FGF14: variants seen among roughly 807,000 people sequenced by gnomAD.
The protein encoded by FGF14 is fibroblast growth factor 14.
FGF14 carries 5 observed loss-of-function variants against 25.5 expected under a neutral mutation model. The observed-to-expected ratio is 0.20, with a 90% CI of 0.10 to 0.41. FGF14 has a LOEUF of 0.41. FGF14 is among the 10% of genes least tolerant of loss of function. FGF14 has a pLI of 1.00. For synonymous variants in FGF14, 138 were observed against 118.3 expected (o/e 1.17, Z -1.08); for missense variants, 222 against 320.1 (o/e 0.69, Z 2.34).
At chr13:102,260,634 G>T (rs1378654242) in intron 1 of FGF14, among the ~76,000 whole-genome samples, 5 of 152,252 alleles carry the variant, frequency 3.3e-5, no homozygotes, top group Non-Finnish European at 7.3e-5. Flanking sequence ...TTCATTTGCT[G>T]TAACGTGCCA....
chr13:102,149,337 T>C (rs1411485826), intron 1 of FGF14, among the ~76,000 whole-genome samples: 3 of 152,028 alleles, frequency 2.0e-5, no homozygotes, highest in Non-Finnish European at 4.4e-5. Flanking sequence ...AAAAGAAAGG[T>C]TAAGTAAGTT....
At chr13:102,159,652 A>G (rs2047531962) in intron 1 of FGF14, among the ~76,000 whole-genome samples, 1 of 152,124 alleles carries the variant, frequency 6.6e-6, no homozygotes. Flanking sequence ...ATGAGATCCT[A>G]TCTTATTTAT....
intron 1 of FGF14, among the ~76,000 whole-genome samples, chr13:101,884,487 T>C (rs1233361648): frequency 6.6e-6 from 1 of 151,928 alleles, no homozygotes; most frequent in African/African-American, 2.4e-5. Flanking sequence ...ATAAGGGCAG[T>C]GGTTGCTGTC....
chr13:102,029,522 G>C (rs2041105031), intron 1 of FGF14, among the ~76,000 whole-genome samples: 1 of 149,796 alleles, frequency 6.7e-6, no homozygotes. Flanking sequence ...CATGAATTGT[G>C]TCATTACAAA....
At position 102,027,659 on chromosome 13, in the gene FGF14, C is replaced by A. The variant is rs111979684; in HGVS notation, c.209-152363G>T. ...GCTTATGGCTATCTTATTTACTAAG[C>A]TATCCATCCTTTGCTTGACTCGGTA... On this transcript the variant is annotated intron_variant, in intron 1 of 4. Coordinates refer to the FGF14 transcript ENST00000376131. Among the ~76,000 whole-genome samples, 407 of 152,166 alleles carry A rather than the reference C, an allele frequency of 2.7e-3. 2 individuals carry two copies. Among genetic ancestry groups the A allele is most frequent in the African/African-American group, 9.3e-3 (386 of 41,552 alleles).
intron 1 of FGF14, among the ~76,000 whole-genome samples, chr13:102,391,042 TA>T (rs958659209): frequency 6.6e-6 from 1 of 152,230 alleles, no homozygotes; most frequent in Non-Finnish European, 1.5e-5. Context: ...CTCAGACAAC[TA>T]TTTTATTATT....
At chr13:102,152,361 G>C (rs545672214) in intron 1 of FGF14, among the ~76,000 whole-genome samples, 1 of 152,306 alleles carries the variant, frequency 6.6e-6, no homozygotes, top group South Asian at 2.1e-4. Context: ...AGAAGTTAGA[G>C]TCCAAGATCA....
chr13:101,732,798 C>A (rs2035898544), intron 3 of FGF14, among the ~76,000 whole-genome samples: 1 of 152,124 alleles, frequency 6.6e-6, no homozygotes, highest in Non-Finnish European at 1.5e-5. Context: ...TTTAATTATT[C>A]TTAATAGATT....
intron 3 of FGF14, among the ~76,000 whole-genome samples, chr13:101,741,957 G>C (rs917813201): frequency 3.3e-5 from 5 of 152,176 alleles, no homozygotes; most frequent in African/African-American, 1.2e-4. Context: ...AAGGATAATA[G>C]AAAAATGCAG....
At chr13:102,006,615 A>T (rs753421238) in intron 1 of FGF14, among the ~76,000 whole-genome samples, 10 of 152,018 alleles carry the variant, frequency 6.6e-5, no homozygotes, top group African/African-American at 2.4e-5. Flanking sequence ...AAAAGCAACC[A>T]AACTGAATTT....
intron 3 of FGF14, among the ~76,000 whole-genome samples, chr13:101,859,256 T>A (rs1451461809): frequency 6.6e-6 from 1 of 152,118 alleles, no homozygotes; most frequent in Non-Finnish European, 1.5e-5. Context: ...AAAAACTCCC[T>A]ACATAGCTGT....
intron 3 of FGF14, among the ~76,000 whole-genome samples, chr13:101,841,185 A>C (rs2043174211): frequency 6.6e-6 from 1 of 151,960 alleles, no homozygotes; most frequent in Admixed American, 6.6e-5. Context: ...TAAGGAGATA[A>C]AAATTAAAAA....
intron 1 of FGF14, among the ~76,000 whole-genome samples, chr13:102,362,311 T>A (rs751551551): frequency 1.2e-4 from 18 of 152,206 alleles, no homozygotes; most frequent in African/African-American, 4.3e-4. Flanking sequence ...TTTATCCTTT[T>A]TCTGGCTCAT....
chr13:102,039,698 C>A (rs2041640431), intron 1 of FGF14, among the ~76,000 whole-genome samples: 1 of 152,068 alleles, frequency 6.6e-6, no homozygotes, highest in African/African-American at 2.4e-5. Context: ...TGCTAAGACC[C>A]AATTTCCACA....
At chr13:101,783,986 A>T (rs2039666427) in intron 3 of FGF14, among the ~76,000 whole-genome samples, 1 of 152,160 alleles carries the variant, frequency 6.6e-6, no homozygotes, top group Non-Finnish European at 1.5e-5. Context: ...TTTGTCAAAG[A>T]TCAGATAGTT....
intron 3 of FGF14, among the ~76,000 whole-genome samples, chr13:101,861,775 T>C (rs956605818): frequency 1.3e-5 from 2 of 151,852 alleles, no homozygotes; most frequent in Non-Finnish European, 2.9e-5. Flanking sequence ...CAATGACAAA[T>C]GTTTCGTAGT....
intron 3 of FGF14, among the ~76,000 whole-genome samples, chr13:101,803,172 A>C (rs1461156394): frequency 6.9e-6 from 1 of 145,102 alleles, no homozygotes; most frequent in African/African-American, 2.6e-5. Context: ...TCTGTCACCC[A>C]GGCTGGAGTG....
At chr13:101,998,996 C>T (rs750769319) in intron 1 of FGF14, among the ~76,000 whole-genome samples, 42 of 152,090 alleles carry the variant, frequency 2.8e-4, no homozygotes, top group Non-Finnish European at 5.0e-4. Flanking sequence ...AAGAGGTTCA[C>T]CTATTTATTA....
chr13:101,967,943 C>T (rs2037321461), intron 1 of FGF14, among the ~76,000 whole-genome samples: 2 of 152,204 alleles, frequency 1.3e-5, no homozygotes, highest in South Asian at 4.1e-4. Flanking sequence ...GTAACATTTT[C>T]TATTTCCAAA....
Sources: allele counts gnomAD v4.1 joint callset (sites outside exome capture counted in the v4.1 genomes callset), GRCh38; gene constraint gnomAD v4.1.1; transcripts MANE v1.5; gene names NCBI Gene and HGNC (gene_info 2026-07-23, HGNC 2026-07-21).